DACH1: variants seen among roughly 807,000 people sequenced by gnomAD.
The protein encoded by DACH1 is dachshund homolog 1.
In DACH1, 12 loss-of-function variants were observed where a neutral mutation model predicts 54.2. The ratio of observed to expected loss-of-function variants is 0.22; its 90% CI spans 0.14 to 0.36. DACH1 has a LOEUF of 0.36. Ranked by LOEUF, DACH1 falls within the 10% of genes least tolerant of loss-of-function variation. The probability of loss-of-function intolerance (pLI) is 1.00; values close to 1 mark genes in which losing one functional copy is unlikely to be tolerated. For synonymous variants in DACH1, 386 were observed against 366.2 expected (o/e 1.05, Z -0.62); for missense variants, 805 against 929.8 (o/e 0.87, Z 1.75).
intron 1 of DACH1, among the ~76,000 whole-genome samples, chr13:71,829,118 A>C (rs73215273): frequency 0.091 from 13,828 of 152,036 alleles, 690 homozygotes; most frequent in Middle Eastern, 0.12. Context: ...CCTTTTAAAT[A>C]AAATTTCTTT....
chr13:71,443,498 TAC>T (rs1406956216), intron 10 of DACH1, among the ~76,000 whole-genome samples: 1 of 152,142 alleles, frequency 6.6e-6, no homozygotes, highest in Non-Finnish European at 1.5e-5. Flanking sequence ...TCAGCAGTCA[TAC>T]ACTAGGATTT....
chr13:71,700,392 C>T (rs924041298), intron 1 of DACH1, among the ~76,000 whole-genome samples: 1 of 151,738 alleles, frequency 6.6e-6, no homozygotes, highest in Non-Finnish European at 1.5e-5. Context: ...CCCGTCTCCA[C>T]TAAAAACACA....
intron 1 of DACH1, among the ~76,000 whole-genome samples, chr13:71,692,505 CCT>C (rs1881551966): frequency 1.4e-5 from 1 of 72,292 alleles, no homozygotes; most frequent in Non-Finnish European, 2.7e-5. Flanking sequence ...TCTTTTCTTT[CCT>C]TTTTTTTTTT....
intron 1 of DACH1, among the ~76,000 whole-genome samples, chr13:71,724,681 T>C (rs1263076837): frequency 6.6e-6 from 1 of 152,130 alleles, no homozygotes. Flanking sequence ...TGTATGTTAG[T>C]TATGATATCA....
intron 1 of DACH1, among the ~76,000 whole-genome samples, chr13:71,810,483 G>A (rs1887669301): frequency 6.6e-6 from 1 of 152,094 alleles, no homozygotes; most frequent in Non-Finnish European, 1.5e-5. Context: ...TTTTAACATG[G>A]ATTATTTTAT....
chr13:71,623,964 C>T (rs1226088001), intron 3 of DACH1, among the ~76,000 whole-genome samples: 1 of 151,834 alleles, frequency 6.6e-6, no homozygotes, highest in African/African-American at 2.4e-5. Flanking sequence ...ACATTAGACT[C>T]TAATTCAAAG....
chr13:71,532,455 T>C (rs936810192), intron 6 of DACH1, among the ~76,000 whole-genome samples: 1 of 151,996 alleles, frequency 6.6e-6, no homozygotes, highest in African/African-American at 2.4e-5. Context: ...AAAAGGAATT[T>C]AGAAAGGGCT....
chr13:71,714,389 CT>C (rs1243570442), intron 1 of DACH1, among the ~76,000 whole-genome samples: 3 of 152,082 alleles, frequency 2.0e-5, no homozygotes, highest in South Asian at 4.1e-4. Context: ...AATAGTTGTC[CT>C]TAAAATAATA....
At chr13:71,864,412 G>A (rs1326990022) in intron 1 of DACH1, among the ~76,000 whole-genome samples, 1 of 152,230 alleles carries the variant, frequency 6.6e-6, no homozygotes, top group East Asian at 1.9e-4. Context: ...GGAAAAAAGA[G>A]CTAGCGCTTT....
chr13:71,782,061 C>T (rs1886405376), intron 1 of DACH1, among the ~76,000 whole-genome samples: 1 of 152,148 alleles, frequency 6.6e-6, no homozygotes, highest in Non-Finnish European at 1.5e-5. Context: ...CCTACAGACC[C>T]TTAAGTTTCA....
intron 1 of DACH1, among the ~76,000 whole-genome samples, chr13:71,791,456 C>T (rs891492778): frequency 6.6e-6 from 1 of 152,188 alleles, no homozygotes; most frequent in Non-Finnish European, 1.5e-5. Flanking sequence ...TCTTGGCTCA[C>T]TGCAACCTCC....
intron 4 of DACH1, among the ~76,000 whole-genome samples, chr13:71,571,125 T>A (rs2138410759): frequency 6.6e-6 from 1 of 152,290 alleles, no homozygotes; most frequent in South Asian, 2.1e-4. Flanking sequence ...AAATCTTACC[T>A]AAATGAGAGA....
At chr13:71,740,852 T>C (rs929546687) in intron 1 of DACH1, among the ~76,000 whole-genome samples, 4 of 152,142 alleles carry the variant, frequency 2.6e-5, no homozygotes, top group African/African-American at 9.7e-5. Context: ...GATTATAACA[T>C]AGATTTGAAT....
chr13:71,741,662 A>T (rs1431413456), intron 1 of DACH1, among the ~76,000 whole-genome samples: 1 of 152,128 alleles, frequency 6.6e-6, no homozygotes, highest in Admixed American at 6.5e-5. Context: ...TTATTAACTT[A>T]TTTAAATCTA....
chr13:71,559,529 T>A (rs1284795944), intron 5 of DACH1, among the ~76,000 whole-genome samples: 1 of 152,214 alleles, frequency 6.6e-6, no homozygotes, highest in Non-Finnish European at 1.5e-5. Context: ...GAGAATTGGC[T>A]GTGTTTACTT....
At chr13:71,587,840 T>C (rs1479517925) in intron 3 of DACH1, among the ~76,000 whole-genome samples, 1 of 152,102 alleles carries the variant, frequency 6.6e-6, no homozygotes, top group African/African-American at 2.4e-5. Flanking sequence ...CTCCCAGATC[T>C]ACAAAAGAAT....
At chr13:71,683,066 G>A (rs1328002615) in intron 1 of DACH1, among the ~76,000 whole-genome samples, 1 of 152,088 alleles carries the variant, frequency 6.6e-6, no homozygotes, top group East Asian at 1.9e-4. Flanking sequence ...ATTCAAAGAT[G>A]TTATCTATTT....
intron 1 of DACH1, among the ~76,000 whole-genome samples, chr13:71,808,660 T>G (rs1887601175): frequency 6.6e-6 from 1 of 152,198 alleles, no homozygotes; most frequent in Admixed American, 6.5e-5. Flanking sequence ...TTAAAGCAGT[T>G]TGACATCCTG....
Position 71,866,508 on chromosome 13 carries a change from T to TGCCGCC in DACH1, c.256_261dup (p.Gly86_Gly87dup), listed in dbSNP as rs1195408111. 4.9e-6 allele frequency: 6 copies of TGCCGCC among 1,213,470 alleles called. No individual in the cohort carries two copies. Among genetic ancestry groups the TGCCGCC allele is most frequent in the African/African-American group, 3.7e-5 (2 of 53,990 alleles). The allele number at this position is 1,213,470 out of a possible 1,614,324, so 75.2% of individuals were successfully genotyped here. A position where few individuals can be genotyped will look rare whatever the true frequency, so the allele number is the denominator to read the frequency against. On this transcript the variant is annotated inframe_insertion, in exon 1 of 11. Transcript: ENST00000613252. ...CCACCGCCGCCTCCGTTGCCGCTGC[T>TGCCGCC]GCCGCCGCCGCCTCCGCTGCCGCCG...
Sources: allele counts gnomAD v4.1 joint callset (sites outside exome capture counted in the v4.1 genomes callset), GRCh38; gene constraint gnomAD v4.1.1; transcripts MANE v1.5; gene names NCBI Gene and HGNC (gene_info 2026-07-23, HGNC 2026-07-21).